PLXNA2: variants seen among roughly 807,000 people sequenced by gnomAD.
PLXNA2 encodes plexin-A2.
Under a neutral mutation model 193.5 loss-of-function variants are expected in PLXNA2, and 91 were observed. The observed-to-expected ratio is 0.47, with a 90% confidence interval of 0.40 to 0.56. The LOEUF (loss-of-function observed/expected upper bound fraction) is 0.56, where lower values mean the gene tolerates loss of function less well. Among genes scored for constraint, PLXNA2 ranks in the 20% least tolerant of loss-of-function variants. PLXNA2 has a pLI of 0.00. For synonymous variants in PLXNA2, 997 were observed against 1,027.3 expected (o/e 0.97, Z 0.56); for missense variants, 1,995 against 2,503.2 (o/e 0.80, Z 4.33).
intron 3 of PLXNA2, among the ~76,000 whole-genome samples, chr1:208,200,178 C>T (rs1670495228): frequency 6.6e-6 from 1 of 152,210 alleles, no homozygotes; most frequent in Non-Finnish European, 1.5e-5. Context: ...CCAACGGCAC[C>T]AGCTCCTGAA....
intron 1 of PLXNA2, among the ~76,000 whole-genome samples, chr1:208,242,538 G>C (rs1009708633): frequency 3.3e-5 from 5 of 152,130 alleles, no homozygotes; most frequent in Non-Finnish European, 7.4e-5. Flanking sequence ...CTTTCTACTG[G>C]TGTGCCACTG....
At chr1:208,207,108 C>T (rs1241904572) in intron 3 of PLXNA2, among the ~76,000 whole-genome samples, 8 of 152,180 alleles carry the variant, frequency 5.3e-5, no homozygotes, top group East Asian at 1.9e-4. Context: ...TGGGTTCAAG[C>T]GATTCTCCCA....
At chr1:208,105,255 T>C (rs2102421376) in intron 4 of PLXNA2, among the ~76,000 whole-genome samples, 1 of 152,306 alleles carries the variant, frequency 6.6e-6, no homozygotes, top group South Asian at 2.1e-4. Flanking sequence ...TGTTTTCCAG[T>C]GTTCGAAGGG....
At chr1:208,085,454 C>A (rs1666487476) in intron 9 of PLXNA2, among the ~76,000 whole-genome samples, 1 of 152,198 alleles carries the variant, frequency 6.6e-6, no homozygotes, top group Admixed American at 6.5e-5. Context: ...TTAGGGGGAA[C>A]TTCTGGGAAT....
chr1:208,186,504 G>T (rs928600351), intron 3 of PLXNA2, among the ~76,000 whole-genome samples: 1 of 152,112 alleles, frequency 6.6e-6, no homozygotes, highest in African/African-American at 2.4e-5. Flanking sequence ...TCTTTTTAAA[G>T]TTGGGTTGTT....
chr1:208,094,912 CT>C (rs1256123873), intron 8 of PLXNA2, among the ~76,000 whole-genome samples: 1 of 152,118 alleles, frequency 6.6e-6, no homozygotes. Context: ...CTAAAGATTC[CT>C]TTAGGGTTTA....
intron 3 of PLXNA2, among the ~76,000 whole-genome samples, chr1:208,208,572 T>C (rs1398089406): frequency 6.6e-6 from 1 of 152,242 alleles, no homozygotes; most frequent in East Asian, 1.9e-4. Context: ...CCAAAAAGCA[T>C]GACCCCTGCC....
intron 1 of PLXNA2, among the ~76,000 whole-genome samples, chr1:208,241,526 C>T (rs1029916218): frequency 1.3e-5 from 2 of 152,214 alleles, no homozygotes. Flanking sequence ...TTATGCCCTG[C>T]CAAAAAGAAG....
chr1:208,225,373 G>A (rs2102628078), intron 1 of PLXNA2, among the ~76,000 whole-genome samples: 1 of 152,284 alleles, frequency 6.6e-6, no homozygotes, highest in Middle Eastern at 3.4e-3. Flanking sequence ...CGCGATCTCA[G>A]CTCCTTGCAG....
chr1:208,232,460 T>G (rs1671720759), intron 1 of PLXNA2, among the ~76,000 whole-genome samples: 2 of 152,234 alleles, frequency 1.3e-5, no homozygotes, highest in African/African-American at 2.4e-5. Flanking sequence ...CAGGCCTGTT[T>G]AATAACCCTT....
intron 1 of PLXNA2, among the ~76,000 whole-genome samples, chr1:208,222,581 G>A (rs1380305407): frequency 6.6e-6 from 1 of 152,148 alleles, no homozygotes; most frequent in Non-Finnish European, 1.5e-5. Flanking sequence ...AGCTAGTGAA[G>A]GCATCTGATA....
chr1:208,132,618 ACAGCTT>A (rs1249350886), intron 4 of PLXNA2, among the ~76,000 whole-genome samples: 1 of 152,220 alleles, frequency 6.6e-6, no homozygotes, highest in Non-Finnish European at 1.5e-5. Context: ...AGATTTCAAC[ACAGCTT>A]AAATAAGGTA....
rs748132868 is a variant in PLXNA2, at chr1:208,079,358, G to A, written c.2488C>T (p.Arg830Cys). The stretch of plus-strand genomic sequence containing the variant: ...CAGTGCTGGTGGAGGGTGCACCTGC[G>A]CTCGCCGCTGCACCAGCCACACTCA... ...KFECGWCSGE[R>C]RCTLHQHCTS... The change falls in exon 12 of 32, where the codon CGC becomes TGC. Residue 830 changes from arginine (R) to cysteine (C), a missense_variant. Physicochemically the swap from Arg to Cys is radical, Grantham distance 180 (BLOSUM62 -3). Transcript: ENST00000367033. 8 of 1,612,730 alleles carry A rather than the reference G, an allele frequency of 5.0e-6. No individual in the cohort carries two copies. Among genetic ancestry groups the A allele is most frequent in the South Asian group, 2.2e-5 (2 of 90,958 alleles).
intron 3 of PLXNA2, among the ~76,000 whole-genome samples, chr1:208,162,550 T>A (rs565316228): frequency 1.9e-4 from 29 of 152,342 alleles, no homozygotes; most frequent in Admixed American, 3.3e-4. Flanking sequence ...AGAAGCAGAA[T>A]CTTTTTAGGG....
intron 3 of PLXNA2, among the ~76,000 whole-genome samples, chr1:208,154,432 GT>G (rs1270163848): frequency 6.6e-6 from 1 of 152,198 alleles, no homozygotes; most frequent in Admixed American, 6.5e-5. Flanking sequence ...CCCCTGAGAA[GT>G]TGGCACTACC....
intron 3 of PLXNA2, among the ~76,000 whole-genome samples, chr1:208,205,565 C>G (rs1238919366): frequency 6.6e-6 from 1 of 152,246 alleles, no homozygotes; most frequent in African/African-American, 2.4e-5. Flanking sequence ...TGCTCCTCTT[C>G]TCTGCCTCAG....
chr1:208,208,644 C>T (rs191978299), intron 3 of PLXNA2, among the ~76,000 whole-genome samples: 72 of 152,302 alleles, frequency 4.7e-4, no homozygotes, highest in African/African-American at 1.6e-3. Context: ...GGAGCAGTGA[C>T]TGAAGGTAGG....
chr1:208,140,406 A>G (rs995250769), intron 4 of PLXNA2, among the ~76,000 whole-genome samples: 1 of 152,184 alleles, frequency 6.6e-6, no homozygotes, highest in Non-Finnish European at 1.5e-5. Context: ...CTCATTGGTC[A>G]CTTCTTCCTT....
intron 1 of PLXNA2, among the ~76,000 whole-genome samples, chr1:208,219,046 T>G (rs1291238982): frequency 1.3e-5 from 2 of 152,206 alleles, no homozygotes; most frequent in Non-Finnish European, 2.9e-5. Context: ...TCCTGACTGT[T>G]TCAGCATCCA....
Sources: gnomAD v4.1 joint callset for allele counts (sites outside exome capture counted in the v4.1 genomes callset) on GRCh38, gnomAD v4.1.1 for gene constraint, MANE v1.5 for transcripts, NCBI Gene and HGNC (gene_info 2026-07-23, HGNC 2026-07-21) for gene names.